HELLS: variants seen among roughly 807,000 people sequenced by gnomAD.
HELLS encodes helicase, lymphoid specific, also known as lymphoid-specific helicase.
A neutral mutation model predicts 120.0 loss-of-function variants in HELLS; 32 were observed. That is an observed-to-expected ratio of 0.27 (90% confidence interval 0.20 to 0.36). The LOEUF (loss-of-function observed/expected upper bound fraction) is 0.36, where lower values mean the gene tolerates loss of function less well. HELLS is among the 10% of genes least tolerant of loss of function. HELLS has a pLI of 1.00. For missense variants in HELLS, 650 were observed against 993.4 expected (o/e 0.65, Z 4.65); for synonymous variants, 341 against 323.4 (o/e 1.05, Z -0.58).
At chr10:94,589,680 C>CTTTTTTT (rs67491329) in intron 13 of HELLS, among the ~76,000 whole-genome samples, 2 of 91,966 alleles carry the variant, frequency 2.2e-5, no homozygotes, top group Non-Finnish European at 4.1e-5. Flanking sequence ...CTCCCCCCGA[C>CTTTTTTT]TTTTTTTTTT....
At chr10:94,547,139 A>G (rs2134262749) in intron 2 of HELLS, among the ~76,000 whole-genome samples, 1 of 152,306 alleles carries the variant, frequency 6.6e-6, no homozygotes, top group African/African-American at 2.4e-5. Context: ...ACAGTTTTTA[A>G]CCTGAAAAAT....
chr10:94,575,771 TTGTGTGTGTGTGTGTGTG>T (rs71031588), intron 9 of HELLS, among the ~76,000 whole-genome samples: 34 of 122,826 alleles, frequency 2.8e-4, no homozygotes, highest in Admixed American at 2.0e-3. Context: ...GGGGTTGTGT[TTGTGTGTGTGTGTGTGTG>T]TGTGTGTGTG....
At position 94,576,812 on chromosome 10, in the gene HELLS, A is replaced by G. The variant is rs1483256103; in HGVS notation, c.1032+7A>G. 1.9e-6 allele frequency: 3 copies of G among 1,592,338 alleles called. No individual in the cohort carries two copies. The highest frequency in any genetic ancestry group is 1.7e-6 in the Non-Finnish European group (2 of 1,170,010). On this transcript the variant is annotated splice_region_variant and intron_variant, in intron 10 of 21. Transcript: ENST00000348459. ...AGACCGAAATGCGTTACAGGTACAA[A>G]TGATCTTCATTGGTTTCTTTGTAAT...
At chr10:94,588,517 C>T in intron 13 of HELLS, 127 bp downstream of exon 13, 1 of 593,958 alleles carries the variant, frequency 1.7e-6, no homozygotes, top group Non-Finnish European at 2.8e-6. Flanking sequence ...AATCACTGCT[C>T]ACTGCAGCCT....
downstream of HELLS, among the ~76,000 whole-genome samples, chr10:94,604,918 C>T (rs559451837): frequency 6.6e-6 from 1 of 152,160 alleles, no homozygotes; most frequent in East Asian, 1.9e-4. Flanking sequence ...TAAACCTCCC[C>T]CTCCAAATAT....
chr10:94,595,199 G>A (rs933651045), intron 19 of HELLS, among the ~76,000 whole-genome samples: 2 of 151,964 alleles, frequency 1.3e-5, no homozygotes, highest in Non-Finnish European at 2.9e-5. Context: ...CTGCACTCTA[G>A]CCTGGGTAAC....
chr10:94,608,278 C>T (rs1846149496), intron 9 of HELLS, among the ~76,000 whole-genome samples: 1 of 152,144 alleles, frequency 6.6e-6, no homozygotes, highest in South Asian at 2.1e-4. Context: ...AATAATTTTT[C>T]CTATTGTCCT....
chr10:94,556,392 T>A (rs1843266755), intron 3 of HELLS, among the ~76,000 whole-genome samples: 1 of 152,196 alleles, frequency 6.6e-6, no homozygotes, highest in South Asian at 2.1e-4. Context: ...TCATGTCATG[T>A]TTTTCTGTAG....
intron 2 of HELLS, among the ~76,000 whole-genome samples, chr10:94,551,904 T>C (rs1241022636): frequency 2.0e-5 from 3 of 152,004 alleles, no homozygotes. Flanking sequence ...CACACGCGGC[T>C]AATTTTTTGT....
At position 94,581,491 on chromosome 10, in the gene HELLS, T is replaced by C. The variant is rs767848938; in HGVS notation, c.1198T>C (p.Leu400=). 1.2e-6 allele frequency: 2 copies of C among 1,609,672 alleles called. No individual in the cohort carries two copies. The highest frequency in any genetic ancestry group is 1.1e-5 in the South Asian group (1 of 89,618). Residue 400 remains leucine (L), a synonymous_variant, in exon 11 of 22, where the codon TTG becomes CTG. Transcript: ENST00000348459. ...AGAACTTTGGTCATTGCTAAACTTT[T>C]TGTTGCCAGATGTATTTGATGACTT... ...LSELWSLLNF[L]LPDVFDDLKS...
intron 4 of HELLS, among the ~76,000 whole-genome samples, chr10:94,559,829 G>T (rs141814062): frequency 6.6e-6 from 1 of 152,108 alleles, no homozygotes; most frequent in Non-Finnish European, 1.5e-5. Context: ...GTTGTGTATC[G>T]TTTGGTTGAA....
At chr10:94,595,759 C>G (rs1218582213) in intron 19 of HELLS, among the ~76,000 whole-genome samples, 2 of 152,048 alleles carry the variant, frequency 1.3e-5, no homozygotes, top group African/African-American at 4.8e-5. Flanking sequence ...TTGATAGCTA[C>G]CTGAAGAAAT....
At position 94,576,455 on chromosome 10, in the gene HELLS, CTTTGTTTTTTTG is replaced by C. The variant is rs372701599; in HGVS notation, c.889-195_889-184del. 3.0e-3 allele frequency among the ~76,000 whole-genome samples: 454 copies of C among 151,558 alleles called. 1 individual carries two copies. The highest frequency in any genetic ancestry group is 0.011 in the African/African-American group (437 of 41,322). ...GTGTGAGCCATTGTGCTGGGCCTGA[CTTTGTTTTTTTG>C]TTTGTTTTTTTTTCATTTTCTCCCA... is the stretch of plus-strand genomic sequence containing the variant. On this transcript the variant is annotated intron_variant, in intron 9 of 21. Transcript: ENST00000348459.
chr10:94,554,000 A>G (rs1289693965), intron 2 of HELLS, 126 bp from the exon 3 acceptor site: 2 of 797,392 alleles, frequency 2.5e-6, no homozygotes, highest in East Asian at 6.0e-5. Context: ...TATTTGTTCC[A>G]GTTTTTGGTT....
At chr10:94,607,108 C>T (rs1365353731) in intron 8 of HELLS, among the ~76,000 whole-genome samples, 2 of 152,196 alleles carry the variant, frequency 1.3e-5, no homozygotes, top group Non-Finnish European at 2.9e-5. Context: ...GTGGATTCCC[C>T]TATTCCAGAC....
chr10:94,558,900 C>A (rs1843406054), intron 4 of HELLS, among the ~76,000 whole-genome samples: 1 of 152,156 alleles, frequency 6.6e-6, no homozygotes. Flanking sequence ...CACGCCCAGC[C>A]TGTTTTCCCT....
At chr10:94,585,406 GTT>G in intron 12 of HELLS, among the ~76,000 whole-genome samples, 1 of 115,928 alleles carries the variant, frequency 8.6e-6, no homozygotes, top group African/African-American at 3.1e-5. Flanking sequence ...TGTTTTTTTG[GTT>G]TTTTTTTTTT....
chr10:94,558,936 T>C (rs1418057760), intron 4 of HELLS, among the ~76,000 whole-genome samples: 1 of 152,046 alleles, frequency 6.6e-6, no homozygotes, highest in Non-Finnish European at 1.5e-5. Flanking sequence ...TCTTTTTAGG[T>C]AGAGGTACTT....
intron 11 of HELLS, among the ~76,000 whole-genome samples, chr10:94,581,752 A>G (rs1407905077): frequency 1.3e-5 from 2 of 152,192 alleles, no homozygotes; most frequent in South Asian, 4.1e-4. Flanking sequence ...CTTTAAGATA[A>G]TATTTTTATA....
Sources: allele counts gnomAD v4.1 joint callset (sites outside exome capture counted in the v4.1 genomes callset), GRCh38; gene constraint gnomAD v4.1.1; transcripts MANE v1.5; gene names NCBI Gene and HGNC (gene_info 2026-07-23, HGNC 2026-07-21).